The following AREG variants were observed in gnomAD, a reference collection of about 807,000 sequenced individuals.
AREG encodes the protein amphiregulin.
Under a neutral mutation model 28.0 loss-of-function variants are expected in AREG, and 16 were observed. That is an observed-to-expected ratio of 0.57 (90% CI 0.39 to 0.87). The LOEUF is 0.87. Ranked by LOEUF, AREG falls within the 40% of genes least tolerant of loss-of-function variation. The probability of loss-of-function intolerance (pLI) is 0.00; values close to 1 mark genes in which losing one functional copy is unlikely to be tolerated. For missense variants in AREG, 287 were observed against 309.1 expected (o/e 0.93, Z 0.53); for synonymous variants, 113 against 113.5 (o/e 1.00, Z 0.02).
In AREG at chr4:74,446,680, C is replaced by T; in HGVS notation, c.208C>T (p.Pro70Ser). The T allele has an allele frequency of 6.2e-7, 1 of 1,613,890 alleles. No homozygotes were observed. Among genetic ancestry groups the T allele is most frequent in the Non-Finnish European group, 8.5e-7 (1 of 1,179,858 alleles). ...TGAGATTTCCCCTGTGAGTGAAATG[C>T]CTTCTAGTAGTGAACCGTCCTCGGG... ...GSEISPVSEM[P>S]SSSEPSSGAD... is the part of the protein sequence containing the mutation. The change falls in exon 2 of 6, where the codon CCT becomes TCT. Residue 70 changes from proline (P) to serine (S), a missense_variant. Physicochemically the swap from Pro to Ser is moderately conservative, Grantham distance 74 (BLOSUM62 -1). Transcript: ENST00000395748.
At position 74,445,402 on chromosome 4, in the gene AREG, C is replaced by T. The variant is rs1578842953; in HGVS notation, c.57C>T (p.Gly19=). 1 of 1,609,078 alleles carries T rather than the reference C, an allele frequency of 6.2e-7. No homozygotes were observed. ...APVVLSLLIL[G]SGHYAAGLDL... ...TGGTGCTGTCGCTCTTGATACTCGG[C>T]TCAGGTGAGGATTCACCGGCGCTGA... Residue 19 remains glycine, a synonymous_variant, in exon 1 of 6, where the codon GGC becomes GGT. Transcript: ENST00000395748.
chr4:74,445,909 G>A (rs1489075212), intron 1 of AREG, among the ~76,000 whole-genome samples: 4 of 151,976 alleles, frequency 2.6e-5, no homozygotes, highest in Non-Finnish European at 4.4e-5. Context: ...TTAACTCTGG[G>A]CCCCAAATCT....
At chr4:74,445,446 C>T (rs1719266110) in intron 1 of AREG, 40 bp downstream of exon 1, 2 of 1,590,396 alleles carry the variant, frequency 1.3e-6, no homozygotes, top group Non-Finnish European at 1.7e-6. Flanking sequence ...GCTCTCCTCC[C>T]ATGGCAGGTT....
At chr4:74,445,704 T>C (rs1719270941) in intron 1 of AREG, among the ~76,000 whole-genome samples, 1 of 152,190 alleles carries the variant, frequency 6.6e-6, no homozygotes, top group East Asian at 1.9e-4. Flanking sequence ...AAGACCAAGA[T>C]CTAGAGAGGT....
chr4:74,450,915 G>A (rs1259575576), intron 4 of AREG, among the ~76,000 whole-genome samples: 3 of 152,104 alleles, frequency 2.0e-5, no homozygotes, highest in African/African-American at 4.8e-5. Context: ...TAGGAGGTTC[G>A]TAGTATCAGA....
intron 4 of AREG, among the ~76,000 whole-genome samples, 180 bp downstream of exon 4, chr4:74,450,712 G>A (rs1392660035): frequency 7.2e-5 from 11 of 152,152 alleles, no homozygotes; most frequent in African/African-American, 2.7e-4. Flanking sequence ...TTTATGACTT[G>A]TGGCCACCAT....
In AREG at chr4:74,448,897, G is replaced by A. The variant is rs890653697; in HGVS notation, c.311-150G>A. 1.5e-5 allele frequency: 17 copies of A among 1,129,592 alleles called. No individual in the cohort carries two copies. In the African/African-American group the frequency reaches 2.8e-4, roughly 19 times the overall value. 70.0% of individuals were successfully genotyped at this position (1,129,592 alleles called of 1,614,324 possible). On this transcript the variant is annotated intron_variant, in intron 2 of 5. Coordinates refer to ENST00000395748, the MANE Select transcript of AREG (RefSeq NM_001657.4). ...GAAAATTATAAATTAGGGTTATGCA[G>A]TCCTCTCTAACTTTTATATTGTGTT...
chr4:74,446,389 T>C, intron 1 of AREG, 145 bp from the exon 2 acceptor site: 1 of 1,467,558 alleles, frequency 6.8e-7, no homozygotes, highest in Admixed American at 2.0e-5. Flanking sequence ...AAAGTTTCTT[T>C]CATAGAAATG....
Position 74,445,405 on chromosome 4 carries a change from A to T in AREG, c.60A>T (p.Ser20=), listed in dbSNP as rs931297635. Reference sequence around the variant, plus strand: ...TGCTGTCGCTCTTGATACTCGGCTCAGGTGAGGATTCACCGGCGCTGAACT... The same window carrying T: ...TGCTGTCGCTCTTGATACTCGGCTCTGGTGAGGATTCACCGGCGCTGAACT... ...PVVLSLLILG[S]GHYAAGLDLN... Residue 20 remains serine, a splice_region_variant and synonymous_variant, in exon 1 of 6, where the codon TCA becomes TCT. Transcript: ENST00000395748. The T allele has an allele frequency of 3.7e-6, 6 of 1,608,738 alleles. No homozygotes were observed. The highest frequency in any genetic ancestry group is 5.1e-6 in the Non-Finnish European group (6 of 1,178,270).
At chr4:74,447,332 G>T (rs1719309729) in intron 2 of AREG, among the ~76,000 whole-genome samples, 2 of 152,144 alleles carry the variant, frequency 1.3e-5, no homozygotes, top group Non-Finnish European at 2.9e-5. Context: ...GGAGGCATTA[G>T]ACTTTAGCGT....
Position 74,446,575 on chromosome 4 carries a change from G to A in AREG, c.103G>A (p.Gly35Arg), listed in dbSNP as rs1253181939. 14 of 1,613,932 alleles carry A rather than the reference G, an allele frequency of 8.7e-6. No homozygotes were observed. The highest frequency in any genetic ancestry group is 1.3e-5 in the African/African-American group (1 of 75,020). The change falls in exon 2 of 6, where the codon GGG becomes AGG. Residue 35 changes from glycine (G) to arginine (R), a missense_variant. Coordinates refer to ENST00000395748, the MANE Select transcript of AREG (RefSeq NM_001657.4). Reference protein sequence around the residue: ...AGLDLNDTYSGKREPFSGDHS... With the variant: ...AGLDLNDTYSRKREPFSGDHS... ...ATTGGACCTCAATGACACCTACTCT[G>A]GGAAGCGTGAACCATTTTCTGGGGA...
In AREG at chr4:74,446,745, A is replaced by G. The variant is rs752777371; in HGVS notation, c.273A>G (p.Pro91=). ...YDYSEEYDNE[P]QIPGYIVDDS... ...ACTCAGAAGAGTATGATAACGAACCACAAATACCTGGCTATATTGTCGATG... is the reference window on the plus strand; with the variant it reads ...ACTCAGAAGAGTATGATAACGAACCGCAAATACCTGGCTATATTGTCGATG... Residue 91 remains proline (P), a synonymous_variant, in exon 2 of 6, where the codon CCA becomes CCG. Transcript: ENST00000395748. 3.7e-6 allele frequency: 6 copies of G among 1,613,886 alleles called. No individual in the cohort carries two copies. The African/African-American group carries it at 5.3e-5, about 14-fold the overall frequency.
At chr4:74,454,350 A>ACTATTGGGTAGTTACTAAGGGTAG (rs1248752592) in intron 5 of AREG, among the ~76,000 whole-genome samples, 4 of 152,232 alleles carry the variant, frequency 2.6e-5, no homozygotes, top group African/African-American at 9.6e-5. Context: ...TACTATTATT[A>ACTATTGGGTAGTTACTAAGGGTAG]TGCCCTTGGT....
intron 4 of AREG, 74 bp downstream of exon 4, chr4:74,450,606 C>G: frequency 6.4e-7 from 1 of 1,557,062 alleles, no homozygotes; most frequent in Non-Finnish European, 8.7e-7. Flanking sequence ...CTCTCATACT[C>G]TACTCTGGTA....
rs1719329530 is a variant in AREG at position 74,448,605 on chromosome 4, A to G, written c.311-442A>G. The G allele has an allele frequency of 1.8e-5, 3 of 167,274 alleles. No homozygotes were observed. The South Asian group carries it at 4.0e-4, about 22-fold the overall frequency. 10.4% of individuals were successfully genotyped at this position (167,274 alleles called of 1,614,324 possible). A position where few individuals can be genotyped will look rare whatever the true frequency, so the allele number is the denominator to read the frequency against. On this transcript the variant is annotated intron_variant, in intron 2 of 5. Transcript: ENST00000395748. ...ACACCTTGCATAACTGCAAGACTGA[A>G]CAAAAGTTTCTGTGGATCAGATAAG...
chr4:74,450,143 C>T (rs1343094680), intron 3 of AREG, among the ~76,000 whole-genome samples: 3 of 152,078 alleles, frequency 2.0e-5, no homozygotes, highest in Non-Finnish European at 4.4e-5. Context: ...ATAAAAGAAA[C>T]ACAAAGAATG....
chr4:74,449,940 C>CTA (rs1456021940), intron 3 of AREG, among the ~76,000 whole-genome samples: 5 of 150,138 alleles, frequency 3.3e-5, no homozygotes, highest in Admixed American at 6.7e-5. Context: ...CTCTTTCTTT[C>CTA]TATATATATA....
chr4:74,447,870 T>C (rs1483290010), intron 2 of AREG, among the ~76,000 whole-genome samples: 1 of 152,192 alleles, frequency 6.6e-6, no homozygotes, highest in Non-Finnish European at 1.5e-5. Context: ...GGGTAAGGGG[T>C]TCATTTGTGC....
In AREG at chr4:74,448,950, C is replaced by T. The variant is rs985614998; in HGVS notation, c.311-97C>T. The T allele has an allele frequency of 4.7e-3, 7,141 of 1,527,240 alleles. 20 individuals carry two copies. The highest frequency in any genetic ancestry group is 5.9e-3 in the Non-Finnish European group (6,616 of 1,121,660). 94.6% of individuals were successfully genotyped at this position (1,527,240 alleles called of 1,614,324 possible). The stretch of plus-strand genomic sequence containing the variant: ...GTAATGAGGCACGCATGGCTGTTAC[C>T]CCTGTGAGCGCTCACTGCTATGACA... On this transcript the variant is annotated intron_variant, in intron 2 of 5. Transcript: ENST00000395748.
Sources: gnomAD v4.1 joint callset for allele counts (sites outside exome capture counted in the v4.1 genomes callset) on GRCh38, gnomAD v4.1.1 for gene constraint, MANE v1.5 for transcripts, NCBI Gene and HGNC (gene_info 2026-07-23, HGNC 2026-07-21) for gene names.